The following FAM98B variants were observed in gnomAD, a reference collection of about 807,000 sequenced individuals.
FAM98B encodes the protein tRNA splicing ligase complex subunit 3B.
Under a neutral mutation model 43.9 loss-of-function variants are expected in FAM98B, and 32 were observed. The ratio of observed to expected loss-of-function variants is 0.73; its 90% confidence interval spans 0.55 to 0.98. The LOEUF (loss-of-function observed/expected upper bound fraction) is 0.98. Among genes scored for constraint, FAM98B ranks in the 50% least tolerant of loss-of-function variants. FAM98B has a pLI of 0.00. For synonymous variants in FAM98B, 190 were observed against 174.0 expected (o/e 1.09, Z -0.72); for missense variants, 514 against 522.9 (o/e 0.98, Z 0.17).
intron 6 of FAM98B, among the ~76,000 whole-genome samples, chr15:38,477,313 A>G (rs957734694): frequency 2.0e-5 from 3 of 151,120 alleles, no homozygotes; most frequent in African/African-American, 4.9e-5. Context: ...TTTTTCCTAT[A>G]TACTGTGTTT....
At position 38,469,901 on chromosome 15, in the gene FAM98B, G is replaced by T. The variant is rs539233470; in HGVS notation, c.353-326G>T. ...ATCTTTGCCTGCTTAACTCCAGTAG[G>T]AGCTGCTAGGGCTCCTCCGGTGTGA... On this transcript the variant is annotated intron_variant, in intron 3 of 7. Transcript: ENST00000397609. Among the ~76,000 whole-genome samples the T allele has an allele frequency of 5.4e-3, 820 of 152,188 alleles. 9 individuals carry two copies. Among genetic ancestry groups the T allele is most frequent in the South Asian group, 0.022 (106 of 4,812 alleles).
chr15:38,459,819 T>C (rs1889918321), intron 1 of FAM98B, among the ~76,000 whole-genome samples: 1 of 151,886 alleles, frequency 6.6e-6, no homozygotes, highest in Non-Finnish European at 1.5e-5. Context: ...GAATCCAGAG[T>C]GAAAACAAGA....
At chr15:38,471,315 G>T (rs1890127983) in intron 4 of FAM98B, among the ~76,000 whole-genome samples, 1 of 151,986 alleles carries the variant, frequency 6.6e-6, no homozygotes, top group Non-Finnish European at 1.5e-5. Context: ...GGTAGAACTT[G>T]CAAACCAGAG....
intron 1 of FAM98B, chr15:38,458,913 C>A: frequency 2.3e-6 from 1 of 435,522 alleles, no homozygotes; most frequent in South Asian, 2.0e-5. Flanking sequence ...GACAAGTTGT[C>A]CAGGATGAGG....
chr15:38,462,344 A>T (rs1203899636), intron 1 of FAM98B, among the ~76,000 whole-genome samples: 2 of 152,166 alleles, frequency 1.3e-5, no homozygotes, highest in Non-Finnish European at 2.9e-5. Flanking sequence ...GATTTTTCTG[A>T]TGCATTTTGT....
chr15:38,479,598 T>C (rs182752755), intron 6 of FAM98B, among the ~76,000 whole-genome samples: 1 of 152,362 alleles, frequency 6.6e-6, no homozygotes, highest in African/African-American at 2.4e-5. Context: ...AGTATCCTTC[T>C]TATGGCTGCA....
At chr15:38,476,182 T>C (rs1394962953) in intron 6 of FAM98B, among the ~76,000 whole-genome samples, 5 of 152,220 alleles carry the variant, frequency 3.3e-5, no homozygotes, top group African/African-American at 9.6e-5. Context: ...AATGTATTTC[T>C]CTAAGAATAT....
chr15:38,457,171 T>C (rs117776396), intron 1 of FAM98B, among the ~76,000 whole-genome samples: 1,739 of 152,264 alleles, frequency 0.011, 20 homozygotes, highest in Non-Finnish European at 0.019. Flanking sequence ...AATTCAAGGA[T>C]TCATTTCTCT....
At chr15:38,465,022 A>T (rs1890007060) in intron 2 of FAM98B, among the ~76,000 whole-genome samples, 1 of 152,248 alleles carries the variant, frequency 6.6e-6, no homozygotes, top group Non-Finnish European at 1.5e-5. Context: ...AGATGGTTGC[A>T]TTTATTTTCT....
At chr15:38,467,016 A>C (rs1423226506) in intron 3 of FAM98B, among the ~76,000 whole-genome samples, 2 of 152,156 alleles carry the variant, frequency 1.3e-5, no homozygotes, top group African/African-American at 4.8e-5. Context: ...TCTGCTATTG[A>C]CATAACATTA....
At chr15:38,457,885 T>C (rs1277428718) in intron 1 of FAM98B, among the ~76,000 whole-genome samples, 1 of 151,928 alleles carries the variant, frequency 6.6e-6, no homozygotes, top group East Asian at 1.9e-4. Context: ...CCAAAACTCC[T>C]ACTATCTGAC....
At position 38,474,215 on chromosome 15, in the gene FAM98B, T is replaced by C. The variant is rs376806825; in HGVS notation, c.646T>C (p.Cys216Arg). The change falls in exon 6 of 8, where the codon TGT (cysteine) becomes CGT (arginine). Residue 216 changes from cysteine (C) to arginine (R), a missense_variant. By Grantham distance (180) the Cys-to-Arg change is radical. Transcript: ENST00000397609. ...QLERINDALS[C>R]EYECRRRMLM... Reference sequence around the variant, plus strand: ...GGAAAGAATCAATGATGCTCTTTCCTGTGAATATGAGTGCCGCCGACGAAT... The same window carrying C: ...GGAAAGAATCAATGATGCTCTTTCCCGTGAATATGAGTGCCGCCGACGAAT... The C allele has an allele frequency of 7.4e-5, 120 of 1,613,618 alleles. No individual in the cohort carries two copies. The highest frequency in any genetic ancestry group is 9.2e-5 in the Non-Finnish European group (109 of 1,179,736).
chr15:38,472,215 A>G (rs914917594), intron 4 of FAM98B, among the ~76,000 whole-genome samples: 1 of 152,162 alleles, frequency 6.6e-6, no homozygotes, highest in Non-Finnish European at 1.5e-5. Flanking sequence ...GTAACAAACT[A>G]CAAGTATACA....
At chr15:38,476,594 T>G (rs917143414) in intron 6 of FAM98B, among the ~76,000 whole-genome samples, 1 of 152,054 alleles carries the variant, frequency 6.6e-6, no homozygotes, top group Non-Finnish European at 1.5e-5. Flanking sequence ...TGGTGTTGAA[T>G]TTTTGTTTCT....
intron 4 of FAM98B, among the ~76,000 whole-genome samples, chr15:38,472,254 C>T (rs985417385): frequency 1.2e-4 from 19 of 152,034 alleles, no homozygotes; most frequent in Admixed American, 1.1e-3. Flanking sequence ...TGAGGAGTTA[C>T]AACTCATACT....
intron 2 of FAM98B, among the ~76,000 whole-genome samples, chr15:38,464,849 AC>A (rs1171000067): frequency 3.3e-5 from 5 of 152,114 alleles, no homozygotes; most frequent in Non-Finnish European, 7.4e-5. Context: ...CAACCCTCTC[AC>A]CCCACCCTCC....
At chr15:38,458,462 C>G (rs1889886944) in intron 1 of FAM98B, among the ~76,000 whole-genome samples, 1 of 152,122 alleles carries the variant, frequency 6.6e-6, no homozygotes, top group Admixed American at 6.5e-5. Flanking sequence ...TTCAGCTTCT[C>G]CCCCACTGAA....
At chr15:38,476,498 C>T (rs996099902) in intron 6 of FAM98B, among the ~76,000 whole-genome samples, 3 of 151,678 alleles carry the variant, frequency 2.0e-5, no homozygotes, top group East Asian at 1.9e-4. Context: ...TAGATAGACT[C>T]GCTTAAGTTG....
Position 38,454,200 on chromosome 15 carries a change from G to C in FAM98B, c.39G>C (p.Glu13Asp). Residue 13 changes from glutamate (E) to aspartate (D), a missense_variant, in exon 1 of 8, where the codon GAG becomes GAC. Glu to Asp is a conservative substitution (Grantham distance 45, BLOSUM62 2). Coordinates refer to ENST00000397609, the MANE Select transcript of FAM98B (RefSeq NM_173611.4). ...GPEPGPQPTM[E>D]GDVLDTLEAL... ...AGCCGGGTCCCCAACCGACGATGGA[G>C]GGAGACGTGCTGGACACACTGGAGG... The C allele has an allele frequency of 6.2e-7, 1 of 1,604,424 alleles. No individual in the cohort carries two copies. The highest frequency in any genetic ancestry group is 8.5e-7 in the Non-Finnish European group (1 of 1,176,686).
Sources: allele counts gnomAD v4.1 joint callset (sites outside exome capture counted in the v4.1 genomes callset), GRCh38; gene constraint gnomAD v4.1.1; transcripts MANE v1.5; gene names NCBI Gene and HGNC (gene_info 2026-07-23, HGNC 2026-07-21).